The following DGKI variants were observed in gnomAD, a reference collection of about 807,000 sequenced individuals.
DGKI encodes the protein diacylglycerol kinase iota, also known as DAG kinase iota.
In DGKI, 55 loss-of-function variants were observed where a neutral mutation model predicts 147.5. The ratio of observed to expected loss-of-function variants is 0.37; its 90% CI spans 0.30 to 0.47. The LOEUF (loss-of-function observed/expected upper bound fraction) is 0.47. Among genes scored for constraint, DGKI ranks in the 20% least tolerant of loss-of-function variants. The pLI is 1.00. For missense variants in DGKI, 1,007 were observed against 1,323.8 expected (o/e 0.76, Z 3.71); for synonymous variants, 469 against 477.1 (o/e 0.98, Z 0.22).
At chr7:137,527,935 T>G (rs1817208443) in intron 20 of DGKI, among the ~76,000 whole-genome samples, 1 of 152,244 alleles carries the variant, frequency 6.6e-6, no homozygotes, top group Admixed American at 6.5e-5. Flanking sequence ...GAATTTATAG[T>G]GTGAATTCAC....
rs996645100 is a variant in DGKI, at chr7:137,760,563, C to T, written c.402-70561G>A. On this transcript the variant is annotated intron_variant, in intron 1 of 32. Coordinates refer to ENST00000614521, the MANE Select transcript of DGKI (RefSeq NM_001321708.2). ...ATCGGGAGGGTTTCTTTTCTGTTCC[C>T]GAATGGAAAAGCACCACTCATGACA... 3.9e-5 allele frequency among the ~76,000 whole-genome samples: 6 copies of T among 152,030 alleles called. No individual in the cohort carries two copies. The South Asian group carries it at 8.3e-4, about 21-fold the overall frequency.
intron 5 of DGKI, among the ~76,000 whole-genome samples, chr7:137,653,884 G>A (rs1288419405): frequency 6.6e-6 from 1 of 152,196 alleles, no homozygotes; most frequent in Non-Finnish European, 1.5e-5. Context: ...TGGGCAGGCT[G>A]AACTACATTC....
intron 3 of DGKI, among the ~76,000 whole-genome samples, chr7:137,661,617 T>A (rs1171671687): frequency 6.6e-6 from 1 of 151,898 alleles, no homozygotes; most frequent in Non-Finnish European, 1.5e-5. Context: ...GATGGGAAGA[T>A]TCACCCCGAG....
chr7:137,566,285 A>T (rs10255388), intron 19 of DGKI, among the ~76,000 whole-genome samples: 8,829 of 152,200 alleles, frequency 0.058, 626 homozygotes, highest in African/African-American at 0.17. Flanking sequence ...CAAATAATTT[A>T]CTTCCTTAGA....
chr7:137,747,442 C>G (rs1039620983), intron 1 of DGKI, among the ~76,000 whole-genome samples: 1 of 152,170 alleles, frequency 6.6e-6, no homozygotes, highest in African/African-American at 2.4e-5. Flanking sequence ...AGAAAATACC[C>G]TCTCCATAGG....
At position 137,656,456 on chromosome 7, in the gene DGKI, G is replaced by A. The variant is rs1359592715; in HGVS notation, c.681+10C>T. 6.2e-7 allele frequency: 1 copy of A among 1,613,716 alleles called. No homozygotes were observed. Among genetic ancestry groups the A allele is most frequent in the Non-Finnish European group, 8.5e-7 (1 of 1,179,764 alleles). ...ATGTAACAAAACTGCAGCAGGGGGC[G>A]CGCTCTTACCTTTTCTAGCTGCTCA... On this transcript the variant is annotated intron_variant, in intron 4 of 32. Transcript: ENST00000614521.
intron 10 of DGKI, among the ~76,000 whole-genome samples, chr7:137,602,198 T>C (rs1217699749): frequency 6.6e-6 from 1 of 152,218 alleles, no homozygotes; most frequent in Non-Finnish European, 1.5e-5. Flanking sequence ...TAGTTTGAAT[T>C]GTTGATGTTA....
intron 19 of DGKI, among the ~76,000 whole-genome samples, chr7:137,564,605 C>T (rs1014243705): frequency 2.0e-5 from 3 of 152,068 alleles, no homozygotes; most frequent in Admixed American, 1.3e-4. Context: ...TAAAAATAAA[C>T]TTATCCTTAC....
At chr7:137,491,280 G>A (rs1815754825) in intron 21 of DGKI, among the ~76,000 whole-genome samples, 1 of 152,182 alleles carries the variant, frequency 6.6e-6, no homozygotes, top group Non-Finnish European at 1.5e-5. Context: ...TTACCTTACA[G>A]AAAATGAAGA....
Position 137,587,221 on chromosome 7 carries a change from A to T in DGKI, c.1312-11T>A, listed in dbSNP as rs1819438231. The T allele has an allele frequency of 3.1e-6, 5 of 1,596,592 alleles. No individual in the cohort carries two copies. The highest frequency in any genetic ancestry group is 4.3e-6 in the Non-Finnish European group (5 of 1,172,304). ...AAGGATCCAGCCCACCTACAGGCGT[A>T]TCGGGGGCCAGAAGAGATATAAGAA... On this transcript the variant is annotated splice_polypyrimidine_tract_variant and intron_variant, in intron 12 of 32. Transcript: ENST00000614521.
At chr7:137,689,051 T>A (rs1776671346) in intron 2 of DGKI, among the ~76,000 whole-genome samples, 1 of 152,190 alleles carries the variant, frequency 6.6e-6, no homozygotes, top group Non-Finnish European at 1.5e-5. Context: ...GGATATCAAA[T>A]CATGGCATGG....
chr7:137,596,213 C>T (rs1016077488), intron 12 of DGKI, among the ~76,000 whole-genome samples: 2 of 151,640 alleles, frequency 1.3e-5, no homozygotes, highest in African/African-American at 2.4e-5. Flanking sequence ...AGAGGAAGGA[C>T]GACATCCTCA....
intron 30 of DGKI, among the ~76,000 whole-genome samples, chr7:137,398,662 G>A (rs1000402813): frequency 5.3e-5 from 8 of 152,002 alleles, no homozygotes; most frequent in African/African-American, 1.9e-4. Flanking sequence ...TAACAGAGAT[G>A]TTATGGGATT....
chr7:137,468,369 T>C (rs1462407597), intron 24 of DGKI, among the ~76,000 whole-genome samples: 1 of 152,232 alleles, frequency 6.6e-6, no homozygotes, highest in Non-Finnish European at 1.5e-5. Context: ...TATTTGTACT[T>C]TTATTTAAGA....
At chr7:137,694,803 C>T (rs1027871010) in intron 1 of DGKI, among the ~76,000 whole-genome samples, 24 of 152,112 alleles carry the variant, frequency 1.6e-4, no homozygotes, top group African/African-American at 5.8e-4. Context: ...AAGCTGCCTA[C>T]AATGTAAAGG....
chr7:137,522,551 G>A lies in DGKI; in HGVS notation c.2148-585C>T, dbSNP rs528451837. 6.6e-5 allele frequency among the ~76,000 whole-genome samples: 10 copies of A among 152,168 alleles called. No individual in the cohort carries two copies. The East Asian group carries it at 1.9e-3, about 29-fold the overall frequency. On this transcript the variant is annotated intron_variant, in intron 20 of 32. Coordinates refer to ENST00000614521, the MANE Select transcript of DGKI (RefSeq NM_001321708.2). ...ATGGTGGCTCTGAGCATTCCAAAAT[G>A]AAGAAAAATGTTTAAATATGTACAG...
At chr7:137,675,825 G>T (rs1054280622) in intron 3 of DGKI, among the ~76,000 whole-genome samples, 1 of 152,070 alleles carries the variant, frequency 6.6e-6, no homozygotes, top group Non-Finnish European at 1.5e-5. Context: ...TATAAAGTTA[G>T]AGTCAGTGGA....
chr7:137,630,893 T>C lies in DGKI; in HGVS notation c.805-7339A>G, dbSNP rs187859881. Among the ~76,000 whole-genome samples, 344 of 152,290 alleles carry C rather than the reference T, an allele frequency of 2.3e-3. 1 individual carries two copies. Among genetic ancestry groups the C allele is most frequent in the African/African-American group, 8.1e-3 (335 of 41,568 alleles). On this transcript the variant is annotated intron_variant, in intron 6 of 32. Coordinates refer to ENST00000614521, the MANE Select transcript of DGKI (RefSeq NM_001321708.2). ...CTAGCTATCATTATGACAATGCTGA[T>C]CCATGAAAATTAATTTCCACCTCTG...
intron 19 of DGKI, among the ~76,000 whole-genome samples, chr7:137,563,635 C>T (rs1818489973): frequency 6.6e-6 from 1 of 151,006 alleles, no homozygotes; most frequent in African/African-American, 2.5e-5. Flanking sequence ...TGTATAGACA[C>T]ACATATAGTT....
Sources: gnomAD v4.1 joint callset for allele counts (sites outside exome capture counted in the v4.1 genomes callset) on GRCh38, gnomAD v4.1.1 for gene constraint, MANE v1.5 for transcripts, NCBI Gene and HGNC (gene_info 2026-07-23, HGNC 2026-07-21) for gene names.